FARP2: variants seen among roughly 807,000 people sequenced by gnomAD.
FARP2 encodes FERM, ARH/RhoGEF and pleckstrin domain protein 2, also known as FERM, ARHGEF and pleckstrin domain-containing protein 2.
A neutral mutation model predicts 130.5 loss-of-function variants in FARP2; 111 were observed. The ratio of observed to expected loss-of-function variants is 0.85; its 90% confidence interval spans 0.73 to 1.00. The LOEUF is 1.00. FARP2 is among the 50% of genes least tolerant of loss of function. FARP2 has a pLI of 0.00. For missense variants in FARP2, 1,385 were observed against 1,346.3 expected, an observed-to-expected ratio of 1.03 and a Z score of -0.45; for synonymous variants, 504 against 516.9, an observed-to-expected ratio of 0.98 and a Z score of 0.34.
chr2:241,493,932 C>T (rs2065030682), intron 26 of FARP2, 76 bp from the exon 27 acceptor site: 2 of 935,930 alleles, frequency 2.1e-6, no homozygotes, highest in Admixed American at 2.9e-5. Flanking sequence ...CTGCTTGTCC[C>T]ATATCCTGGG....
At chr2:241,464,147 G>C (rs965749279) in intron 17 of FARP2, among the ~76,000 whole-genome samples, 167 bp downstream of exon 17, 1 of 151,604 alleles carries the variant, frequency 6.6e-6, no homozygotes, top group Non-Finnish European at 1.5e-5. Flanking sequence ...CTCAGAGCAG[G>C]ATCCCTCCAG....
In FARP2 at chr2:241,463,322, A is replaced by G. The variant is rs1484666669; in HGVS notation, c.1678-13A>G. On this transcript the variant is annotated splice_polypyrimidine_tract_variant and intron_variant, in intron 15 of 26. Coordinates refer to ENST00000264042, the MANE Select transcript of FARP2 (RefSeq NM_014808.4). ...AGAGCCACACCTCCCATCACACCAC[A>G]CTCTTCCCACAGTGGTTCCGCAGCG... 1.2e-6 allele frequency: 2 copies of G among 1,612,376 alleles called. No homozygotes were observed. Among genetic ancestry groups the G allele is most frequent in the Middle Eastern group, 1.7e-4 (1 of 6,040 alleles).
intron 1 of FARP2, among the ~76,000 whole-genome samples, chr2:241,370,296 A>T (rs939455470): frequency 6.6e-6 from 1 of 152,324 alleles, no homozygotes; most frequent in Non-Finnish European, 1.5e-5. Context: ...CTTGAGTTAG[A>T]CAGCAGTTTA....
At chr2:241,370,930 C>T (rs1327766907) in intron 1 of FARP2, among the ~76,000 whole-genome samples, 1 of 152,188 alleles carries the variant, frequency 6.6e-6, no homozygotes, top group Non-Finnish European at 1.5e-5. Flanking sequence ...CTGTGCCAAA[C>T]GTGCAGCTCA....
intron 6 of FARP2, among the ~76,000 whole-genome samples, chr2:241,412,935 G>T (rs2062559237): frequency 6.6e-6 from 1 of 152,168 alleles, no homozygotes; most frequent in Admixed American, 6.5e-5. Flanking sequence ...GGCTGAGGCG[G>T]GCAGATTGCT....
chr2:241,452,856 G>T (rs185297478), intron 13 of FARP2, among the ~76,000 whole-genome samples: 1 of 151,260 alleles, frequency 6.6e-6, no homozygotes, highest in African/African-American at 2.4e-5. Context: ...CACGAGAATC[G>T]CTTGAACCCA....
chr2:241,475,100 T>C lies in FARP2; in HGVS notation c.2132-757T>C, dbSNP rs1417551237. On this transcript the variant is annotated intron_variant, in intron 18 of 26. Transcript: ENST00000264042. This position sits in a 1 kb window ranked among gnomAD's most constrained non-coding sequence, Gnocchi z 4.4. ...GGTTAAAAGAGAAAGTTACAATTGC[T>C]TTGAAGGTGCAAATCATTTAGCCTT... is the stretch of plus-strand genomic sequence containing the variant. 6.6e-6 allele frequency among the ~76,000 whole-genome samples: 1 copy of C among 152,258 alleles called. No individual in the cohort carries two copies. The highest frequency in any genetic ancestry group is 2.4e-5 in the African/African-American group (1 of 41,468).
chr2:241,416,507 T>G (rs1014006622), intron 7 of FARP2, among the ~76,000 whole-genome samples: 1 of 152,172 alleles, frequency 6.6e-6, no homozygotes, highest in Non-Finnish European at 1.5e-5. Flanking sequence ...TATTATACAT[T>G]TCTTACATTG....
At chr2:241,443,042 A>G (rs1223502349) in intron 13 of FARP2, 1 of 208,162 alleles carries the variant, frequency 4.8e-6, no homozygotes, top group African/African-American at 2.4e-5. Flanking sequence ...AAAGATGGCC[A>G]TAGGCCATGG....
intron 19 of FARP2, among the ~76,000 whole-genome samples, chr2:241,480,173 C>A (rs530934488): frequency 3.9e-4 from 59 of 152,330 alleles, no homozygotes; most frequent in Non-Finnish European, 1.8e-4. Context: ...GACTGACCAC[C>A]AGCTGCCCAT....
chr2:241,453,194 G>A (rs935817405), intron 13 of FARP2, among the ~76,000 whole-genome samples: 5 of 151,478 alleles, frequency 3.3e-5, no homozygotes, highest in African/African-American at 1.2e-4. Context: ...GCCGGGCATG[G>A]TGGCGTGCAT....
intron 13 of FARP2, among the ~76,000 whole-genome samples, chr2:241,455,060 C>A (rs1461725831): frequency 6.6e-6 from 1 of 152,196 alleles, no homozygotes; most frequent in Non-Finnish European, 1.5e-5. Flanking sequence ...ATGTCAGCTG[C>A]TCTCAAGAAG....
intron 5 of FARP2, among the ~76,000 whole-genome samples, chr2:241,409,514 A>C (rs552627964): frequency 2.6e-5 from 4 of 152,298 alleles, no homozygotes; most frequent in Non-Finnish European, 4.4e-5. Flanking sequence ...GCGCCACTGC[A>C]CTCCAGCCTG....
At chr2:241,439,055 C>T (rs2063319282) in intron 12 of FARP2, among the ~76,000 whole-genome samples, 2 of 151,276 alleles carry the variant, frequency 1.3e-5, no homozygotes, top group African/African-American at 2.4e-5. Context: ...GAGACAGGGT[C>T]TCACTCTATC....
intron 8 of FARP2, among the ~76,000 whole-genome samples, chr2:241,419,481 T>A (rs944437180): frequency 6.6e-6 from 1 of 152,230 alleles, no homozygotes; most frequent in Non-Finnish European, 1.5e-5. Flanking sequence ...ATATATGTAT[T>A]TATTTTTATT....
rs772517203 is a variant in FARP2, at chr2:241,484,316, C to T, written c.2406C>T (p.Pro802=). 80 of 1,613,966 alleles carry T rather than the reference C, an allele frequency of 5.0e-5. No homozygotes were observed. Among genetic ancestry groups the T allele is most frequent in the Non-Finnish European group, 6.5e-5 (77 of 1,179,968 alleles). ...TSHFRIRGLL[P]LQGMLVEESD... ...ACTTCCGGATCCGGGGCCTCCTTCC[C>T]CTCCAAGGCATGCTGGTGAGTGGTC... The change falls in exon 21 of 27, where the codon CCC becomes CCT. Residue 802 remains proline, a synonymous_variant. Transcript: ENST00000264042.
chr2:241,490,186 T>C, intron 22 of FARP2, 142 bp downstream of exon 22: 3 of 644,292 alleles, frequency 4.7e-6, no homozygotes, highest in East Asian at 2.7e-5. Context: ...TGAGCTCTGC[T>C]TCCAAGTCAC....
At chr2:241,491,330 C>A in intron 23 of FARP2, 151 bp downstream of exon 23, 6 of 854,506 alleles carry the variant, frequency 7.0e-6, no homozygotes, top group Non-Finnish European at 1.1e-5. Flanking sequence ...CATGCCTGGG[C>A]GGGAAGAGGT....
At position 241,426,640 on chromosome 2, in the gene FARP2, G is replaced by A. The variant is rs146987540; in HGVS notation, c.772-5039G>A. Among the ~76,000 whole-genome samples the A allele has an allele frequency of 5.3e-3, 811 of 152,334 alleles. 12 individuals carry two copies. Among genetic ancestry groups the A allele is most frequent in the African/African-American group, 0.018 (758 of 41,574 alleles). Reference sequence around the variant, plus strand: ...GAAGCTGGTTCTGTCTGAGGAAGAGGACTTGATGTGGAGTGGGTGACCCTG... The same window carrying A: ...GAAGCTGGTTCTGTCTGAGGAAGAGAACTTGATGTGGAGTGGGTGACCCTG... On this transcript the variant is annotated intron_variant, in intron 8 of 26. Coordinates refer to ENST00000264042, the MANE Select transcript of FARP2 (RefSeq NM_014808.4).
Sources: gnomAD v4.1 joint callset for allele counts (sites outside exome capture counted in the v4.1 genomes callset) on GRCh38, gnomAD v4.1.1 for gene constraint, Gnocchi (gnomAD v3.1) non-coding constraint, MANE v1.5 for transcripts, NCBI Gene and HGNC (gene_info 2026-07-23, HGNC 2026-07-21) for gene names.